SYNE1: variants seen among roughly 807,000 people sequenced by gnomAD.
The protein encoded by SYNE1 is spectrin repeat containing nuclear envelope protein 1, also known as nesprin-1.
Under a neutral mutation model 1,111.0 loss-of-function variants are expected in SYNE1, and 616 were observed. The ratio of observed to expected loss-of-function variants is 0.55; its 90% confidence interval spans 0.52 to 0.59. SYNE1 has a LOEUF of 0.59. SYNE1 is among the 20% of genes least tolerant of loss of function. The pLI, the probability that SYNE1 is intolerant of heterozygous loss-of-function variation, is 0.00. For missense variants in SYNE1, 10,006 were observed against 10,417.0 expected (o/e 0.96, Z 1.72); for synonymous variants, 3,855 against 3,825.8 (o/e 1.01, Z -0.28).
intron 39 of SYNE1, among the ~76,000 whole-genome samples, chr6:152,423,651 C>T (rs143404927): frequency 1.6e-4 from 24 of 152,292 alleles, no homozygotes; most frequent in Non-Finnish European, 2.4e-4. Context: ...TGTCCTTAAA[C>T]ACTAGGTGGT....
At chr6:152,369,645 G>T (rs1314466914) in intron 59 of SYNE1, 31 bp from the exon 60 acceptor site, 1 of 1,613,372 alleles carries the variant, frequency 6.2e-7, no homozygotes, top group Admixed American at 1.7e-5. Flanking sequence ...TCCAGGACAA[G>T]AAAATATTTT....
intron 137 of SYNE1, 154 bp from the exon 138 acceptor site, chr6:152,143,919 C>T (rs912543507): frequency 1.5e-5 from 16 of 1,098,844 alleles, no homozygotes; most frequent in African/African-American, 4.7e-5. Context: ...ACCATCGTGC[C>T]GGTGGGTTAG....
intron 95 of SYNE1, among the ~76,000 whole-genome samples, chr6:152,291,986 C>T (rs553158001): frequency 5.8e-4 from 89 of 152,232 alleles, no homozygotes; most frequent in South Asian, 1.9e-3. Flanking sequence ...CTCTCTGGCT[C>T]CTTCCAGTAC....
chr6:152,441,528 A>T (rs1396928242), intron 31 of SYNE1, among the ~76,000 whole-genome samples: 2 of 152,198 alleles, frequency 1.3e-5, no homozygotes, highest in African/African-American at 4.8e-5. Context: ...TTAGAAATGT[A>T]AAGATATTAC....
Position 152,148,203 on chromosome 6 carries a change from T to TA in SYNE1, c.24817_24818insT (p.Asp8273ValfsTer5). The TA allele has an allele frequency of 1.2e-6, 2 of 1,614,124 alleles. No homozygotes were observed. Among genetic ancestry groups the TA allele is most frequent in the Non-Finnish European group, 1.7e-6 (2 of 1,180,020 alleles). Reference sequence around the variant, plus strand: ...GATGGAGTCCACACTAGCCGGGGTGTCTCGTCCTGACCGCTCGCTCCGGAG... The same window carrying TA: ...GATGGAGTCCACACTAGCCGGGGTGTACTCGTCCTGACCGCTCGCTCCGGAG... On this transcript the variant is annotated frameshift_variant, in exon 137 of 146. Coordinates refer to ENST00000367255, the MANE Select transcript of SYNE1 (RefSeq NM_182961.4). LOFTEE classifies it high-confidence loss of function. This position sits in a 1 kb window ranked among gnomAD's most constrained non-coding sequence, Gnocchi z 4.1.
Position 152,262,191 on chromosome 6 carries a change from A to G in SYNE1, c.18816-3T>C, listed in dbSNP as rs1369324343. On this transcript the variant is annotated splice_region_variant and splice_polypyrimidine_tract_variant and intron_variant, in intron 100 of 145. Transcript: ENST00000367255. ...GGGATAACACATCAGGTTTTTCGCTATTAGAAGAATAAATAATCTAAGTTT... is the reference window on the plus strand; with the variant it reads ...GGGATAACACATCAGGTTTTTCGCTGTTAGAAGAATAAATAATCTAAGTTT... The G allele has an allele frequency of 1.2e-6, 2 of 1,613,430 alleles. No individual in the cohort carries two copies. The highest frequency in any genetic ancestry group is 1.1e-5 in the South Asian group (1 of 91,060).
chr6:152,541,194 G>A (rs2099267800), intron 3 of SYNE1, among the ~76,000 whole-genome samples: 1 of 152,198 alleles, frequency 6.6e-6, no homozygotes, highest in Admixed American at 6.5e-5. Context: ...GAACAGCGTT[G>A]AATCTGTAGA....
intron 104 of SYNE1, among the ~76,000 whole-genome samples, chr6:152,253,328 T>C (rs936133404): frequency 2.6e-5 from 4 of 152,366 alleles, no homozygotes; most frequent in Non-Finnish European, 5.9e-5. Flanking sequence ...TCTCTTATAA[T>C]ACTACTACTA....
chr6:152,485,710 A>C (rs2098935374), intron 12 of SYNE1, among the ~76,000 whole-genome samples: 1 of 152,230 alleles, frequency 6.6e-6, no homozygotes, highest in African/African-American at 2.4e-5. Context: ...TAAAATGAAA[A>C]GATAATTAAA....
chr6:152,226,228 A>G (rs770118359), intron 115 of SYNE1, among the ~76,000 whole-genome samples: 5 of 152,154 alleles, frequency 3.3e-5, no homozygotes, highest in Non-Finnish European at 5.9e-5. Flanking sequence ...TTGGTATTCA[A>G]AAAGTTACGC....
chr6:152,472,539 G>C, intron 14 of SYNE1, 126 bp from the exon 15 acceptor site: 1 of 879,920 alleles, frequency 1.1e-6, no homozygotes, highest in Admixed American at 2.0e-5. Flanking sequence ...GCCACATTCA[G>C]AGGCAGCTTG....
rs566649787 is a variant in SYNE1 at position 152,615,612 on chromosome 6, T to G, written c.67+12653A>C. Among the ~76,000 whole-genome samples the G allele has an allele frequency of 5.9e-5, 9 of 152,298 alleles. No individual in the cohort carries two copies. The East Asian group carries it at 1.7e-3, about 29-fold the overall frequency. ...ACAAAAACATAAAATCAAATAAAAG[T>G]TGTTAGAGTATTATTTGTACACATG... On this transcript the variant is annotated intron_variant, in intron 3 of 145. Coordinates refer to ENST00000367255, the MANE Select transcript of SYNE1 (RefSeq NM_182961.4).
At chr6:152,464,382 T>C (rs1423547452) in intron 18 of SYNE1, among the ~76,000 whole-genome samples, 1 of 152,208 alleles carries the variant, frequency 6.6e-6, no homozygotes, top group African/African-American at 2.4e-5. Flanking sequence ...GTTATATTTC[T>C]TTTGATCAAA....
intron 134 of SYNE1, 69 bp downstream of exon 134, chr6:152,151,890 C>G: frequency 6.3e-7 from 1 of 1,575,924 alleles, no homozygotes; most frequent in Admixed American, 1.8e-5. Flanking sequence ...GACTGTGTCT[C>G]AAGACTGCAT....
At chr6:152,446,849 C>A (rs1458917453) in intron 29 of SYNE1, among the ~76,000 whole-genome samples, 1 of 152,110 alleles carries the variant, frequency 6.6e-6, no homozygotes, top group Non-Finnish European at 1.5e-5. Context: ...AAATGCATAT[C>A]AAAGCACTAG....
intron 126 of SYNE1, among the ~76,000 whole-genome samples, chr6:152,202,592 G>A (rs1219371315): frequency 6.6e-6 from 1 of 152,032 alleles, no homozygotes; most frequent in Non-Finnish European, 1.5e-5. Context: ...GGAGCCCAAA[G>A]GAAGCAATGA....
chr6:152,256,725 A>C lies in SYNE1; in HGVS notation c.19013T>G (p.Leu6338Arg). Residue 6338 changes from leucine (L) to arginine (R), a missense_variant, in exon 102 of 146, where the codon CTG (leucine) becomes CGG (arginine). Physicochemically the swap from Leu to Arg is moderately radical, Grantham distance 102. Transcript: ENST00000367255. ...RPNRLLSGVP[L>R]YKGDVPTQDK... ...TTGGGTTGGCACGTCCCCTTTGTAC[A>C]GTGGCACACCAGACAAGAGTCGATT... 1 of 1,614,064 alleles carries C rather than the reference A, an allele frequency of 6.2e-7. No individual in the cohort carries two copies. The highest frequency in any genetic ancestry group is 8.5e-7 in the Non-Finnish European group (1 of 1,179,944).
intron 4 of SYNE1, among the ~76,000 whole-genome samples, chr6:152,537,854 T>C (rs2099250924): frequency 6.6e-6 from 1 of 152,210 alleles, no homozygotes. Flanking sequence ...TCAACTTCCT[T>C]TCTTCTCAAC....
intron 139 of SYNE1, 134 bp downstream of exon 139, chr6:152,141,069 A>G (rs111345929): frequency 2.1e-5 from 28 of 1,304,524 alleles, no homozygotes; most frequent in African/African-American, 1.2e-4. Flanking sequence ...GGAGACTGTT[A>G]TAACTTGGAA....
Sources: gnomAD v4.1 joint callset for allele counts (sites outside exome capture counted in the v4.1 genomes callset) on GRCh38, gnomAD v4.1.1 for gene constraint, Gnocchi (gnomAD v3.1) non-coding constraint, MANE v1.5 for transcripts, NCBI Gene and HGNC (gene_info 2026-07-23, HGNC 2026-07-21) for gene names.